The following PKD1L1 variants were observed in gnomAD, a reference collection of about 807,000 sequenced individuals.
The protein encoded by PKD1L1 is polycystin-1-like protein 1.
PKD1L1 carries 236 observed loss-of-function variants against 323.4 expected under a neutral mutation model. The observed-to-expected ratio is 0.73, with a 90% CI of 0.66 to 0.81. The LOEUF is 0.81. PKD1L1 is among the 40% of genes least tolerant of loss of function. The pLI, the probability that PKD1L1 is intolerant of heterozygous loss-of-function variation, is 0.00. For synonymous variants in PKD1L1, 1,344 were observed against 1,335.0 expected (o/e 1.01, Z -0.15); for missense variants, 3,320 against 3,508.0 (o/e 0.95, Z 1.35).
At chr7:47,800,947 C>A in intron 53 of PKD1L1, 68 bp from the exon 54 acceptor site, 1 of 1,398,162 alleles carries the variant, frequency 7.2e-7, no homozygotes, top group Non-Finnish European at 1.0e-6. Flanking sequence ...ACTCAACTTC[C>A]AAATGTTGAA....
intron 45 of PKD1L1, among the ~76,000 whole-genome samples, chr7:47,824,815 C>A (rs1785211080): frequency 6.6e-6 from 1 of 152,180 alleles, no homozygotes; most frequent in Non-Finnish European, 1.5e-5. Context: ...CATAGCTGGA[C>A]ACTACTACAC....
chr7:47,828,037 TA>T (rs1785271111), intron 44 of PKD1L1, among the ~76,000 whole-genome samples: 1 of 152,160 alleles, frequency 6.6e-6, no homozygotes, highest in Non-Finnish European at 1.5e-5. Context: ...TCCTTCCTCC[TA>T]GAGACTCTGG....
intron 7 of PKD1L1, among the ~76,000 whole-genome samples, chr7:47,928,881 T>C (rs767429388): frequency 2.0e-5 from 3 of 152,222 alleles, no homozygotes; most frequent in Non-Finnish European, 4.4e-5. Flanking sequence ...TTTTTAGAAT[T>C]CTGCTTCTGT....
intron 8 of PKD1L1, among the ~76,000 whole-genome samples, chr7:47,914,456 T>C (rs145054676): frequency 6.6e-6 from 1 of 152,144 alleles, no homozygotes; most frequent in African/African-American, 2.4e-5. Context: ...AGAGGCTGTG[T>C]GATGAGGTGG....
intron 24 of PKD1L1, 110 bp from the exon 25 acceptor site, chr7:47,866,724 G>A: frequency 2.3e-6 from 2 of 851,594 alleles, no homozygotes; most frequent in Non-Finnish European, 3.7e-6. Context: ...CTTGGACAGG[G>A]CAGGGTAGAA....
chr7:47,913,895 G>A (rs1255379078), intron 8 of PKD1L1, among the ~76,000 whole-genome samples: 1 of 152,152 alleles, frequency 6.6e-6, no homozygotes, highest in Non-Finnish European at 1.5e-5. Context: ...ATTTGGGCTG[G>A]GGAAGAGAAG....
chr7:47,779,229 T>A (rs1197172489), intron 56 of PKD1L1, among the ~76,000 whole-genome samples: 1 of 152,222 alleles, frequency 6.6e-6, no homozygotes, highest in Non-Finnish European at 1.5e-5. Context: ...CTGCATGTTT[T>A]TAATCAAGCA....
In PKD1L1 at chr7:47,775,051, T is replaced by C; in HGVS notation, c.*92A>G. 1.4e-6 allele frequency: 2 copies of C among 1,395,840 alleles called. No individual in the cohort carries two copies. The highest frequency in any genetic ancestry group is 2.0e-6 in the Non-Finnish European group (2 of 995,634). The allele number at this position is 1,395,840 out of a possible 1,614,324, so 86.5% of individuals were successfully genotyped here. A position where few individuals can be genotyped will look rare whatever the true frequency, so the allele number is the denominator to read the frequency against. ...AAACTTCTTCGTACCTCAGCTCTTC[T>C]CACCTGCAAAACTAGGATGTCTGCT... is the stretch of plus-strand genomic sequence containing the variant. On this transcript the variant is annotated 3_prime_UTR_variant, in exon 57 of 57. Coordinates refer to ENST00000289672, the MANE Select transcript of PKD1L1 (RefSeq NM_138295.5).
intron 28 of PKD1L1, among the ~76,000 whole-genome samples, chr7:47,857,323 C>T (rs1034828042): frequency 6.6e-6 from 1 of 152,212 alleles, no homozygotes; most frequent in Non-Finnish European, 1.5e-5. Flanking sequence ...CTTCTGTTCT[C>T]TGACAATGGA....
rs1241463521 is a variant in PKD1L1, at chr7:47,946,527, ACAC to A, written c.44+1867_44+1869del. On this transcript the variant is annotated intron_variant, in intron 1 of 56. Coordinates refer to ENST00000289672, the MANE Select transcript of PKD1L1 (RefSeq NM_138295.5). The surrounding 1 kb of genome is among the most constrained non-coding windows in gnomAD (Gnocchi z 4.1). ...CACACCATACACACAAACACCACAC[ACAC>A]ACCAACACATTACACACACATCACA... is the stretch of plus-strand genomic sequence containing the variant. 2.0e-5 allele frequency among the ~76,000 whole-genome samples: 3 copies of A among 151,144 alleles called. No homozygotes were observed. The highest frequency in any genetic ancestry group is 3.0e-5 in the Non-Finnish European group (2 of 67,770).
chr7:47,880,653 T>G lies in PKD1L1; in HGVS notation c.3520+75A>C. 2.4e-6 allele frequency: 3 copies of G among 1,224,642 alleles called. 1 individual carries two copies. In the African/African-American group the frequency reaches 4.8e-5, roughly 19 times the overall value. 75.9% of individuals were successfully genotyped at this position (1,224,642 alleles called of 1,614,324 possible). A position where few individuals can be genotyped will look rare whatever the true frequency, so the allele number is the denominator to read the frequency against. ...CTGATGTAGACCTGCACCCCATTCC[T>G]TAGGAAGAGTAAACTCACAGAGACG... is the stretch of plus-strand genomic sequence containing the variant. On this transcript the variant is annotated intron_variant, in intron 21 of 56. Transcript: ENST00000289672.
intron 3 of PKD1L1, among the ~76,000 whole-genome samples, chr7:47,937,259 TGGGGGGGGG>T (rs10610147): frequency 1.4e-5 from 1 of 73,088 alleles, no homozygotes; most frequent in Non-Finnish European, 2.6e-5. Context: ...GGGGTGGGGG[TGGGGGGGGG>T]GGGCGCGGTG....
intron 21 of PKD1L1, among the ~76,000 whole-genome samples, chr7:47,879,407 C>T (rs1026328947): frequency 4.6e-5 from 7 of 151,948 alleles, no homozygotes; most frequent in Non-Finnish European, 1.0e-4. Context: ...GCAGGTGGAT[C>T]GCTCACTTGA....
intron 2 of PKD1L1, among the ~76,000 whole-genome samples, chr7:47,941,638 T>C (rs2686828): frequency 0.75 from 113,915 of 152,194 alleles, 42,874 homozygotes; most frequent in East Asian, 0.96. Flanking sequence ...TGAGCACCCA[T>C]GCAGGCTGGA....
chr7:47,933,082 C>G (rs1787803014), intron 4 of PKD1L1, among the ~76,000 whole-genome samples: 1 of 152,168 alleles, frequency 6.6e-6, no homozygotes, highest in South Asian at 2.1e-4. Flanking sequence ...GAAAAAGAAA[C>G]ATTTTATCTG....
chr7:47,911,562 A>G (rs142724094), intron 8 of PKD1L1, among the ~76,000 whole-genome samples: 2 of 152,368 alleles, frequency 1.3e-5, no homozygotes, highest in Admixed American at 6.5e-5. Flanking sequence ...TGAAATAGAG[A>G]TATACTTAGC....
the PKD1L1 span, among the ~76,000 whole-genome samples, chr7:47,957,860 A>ATATATATATATATATATATATATAT: frequency 6.2e-3 from 763 of 123,920 alleles, 22 homozygotes; most frequent in South Asian, 0.014. Context: ...CAATTAAAAA[A>ATATATATATATATATATATATATAT]AAATATATAT....
At chr7:47,883,291 C>G (rs1324701835) in intron 19 of PKD1L1, among the ~76,000 whole-genome samples, 1 of 152,180 alleles carries the variant, frequency 6.6e-6, no homozygotes, top group African/African-American at 2.4e-5. Context: ...ACAAAAGGCC[C>G]AGCCTGCAAT....
At chr7:47,806,219 A>G (rs1214564174) in intron 52 of PKD1L1, among the ~76,000 whole-genome samples, 3 of 152,224 alleles carry the variant, frequency 2.0e-5, no homozygotes, top group Admixed American at 6.5e-5. Context: ...CCCTGTCCGC[A>G]TCAGGTGAAA....
Sources: gnomAD v4.1 joint callset for allele counts (sites outside exome capture counted in the v4.1 genomes callset) on GRCh38, gnomAD v4.1.1 for gene constraint, Gnocchi (gnomAD v3.1) non-coding constraint, MANE v1.5 for transcripts, NCBI Gene and HGNC (gene_info 2026-07-23, HGNC 2026-07-21) for gene names.